Variants in FRMPD4 observed in about 807,000 individuals in gnomAD.
FRMPD4 encodes the protein FERM and PDZ domain containing 4.
Under a neutral mutation model 94.1 loss-of-function variants are expected in FRMPD4, and 22 were observed. That is an observed-to-expected ratio of 0.23 (90% CI 0.17 to 0.33). The LOEUF (loss-of-function observed/expected upper bound fraction) is 0.33, where lower values mean the gene tolerates loss of function less well. FRMPD4 is among the 10% of genes least tolerant of loss of function. The pLI is 1.00. For missense variants in FRMPD4, 1,111 were observed against 1,339.9 expected (o/e 0.83, Z 2.67); for synonymous variants, 631 against 548.6 (o/e 1.15, Z -2.10).
At chrX:11,895,940 T>C (rs2053900985) in intron 3 of FRMPD4, among the ~76,000 whole-genome samples, 1 of 112,621 alleles carries the variant, frequency 8.9e-6, no homozygotes. Context: ...TTTCCCAGTA[T>C]TTTTTATCCC....
intron 1 of FRMPD4, among the ~76,000 whole-genome samples, chrX:12,486,480 C>T (rs2057740671): frequency 8.9e-6 from 1 of 112,435 alleles, no homozygotes; most frequent in Non-Finnish European, 1.9e-5. Context: ...AAATCTCCTT[C>T]CTGGAAACAT....
chrX:12,670,380 G>C (rs1323603143), intron 4 of FRMPD4, among the ~76,000 whole-genome samples: 1 of 112,001 alleles, frequency 8.9e-6, no homozygotes, highest in East Asian at 2.8e-4. Flanking sequence ...CATGGTACTG[G>C]TACCAAAATG....
chrX:12,205,681 G>A (rs2056684275), intron 1 of FRMPD4, among the ~76,000 whole-genome samples: 1 of 111,925 alleles, frequency 8.9e-6, no homozygotes, highest in African/African-American at 3.2e-5. Flanking sequence ...TTAAAACGGT[G>A]CATTGCATTG....
chrX:12,277,863 G>C (rs1443639535), intron 1 of FRMPD4, among the ~76,000 whole-genome samples: 2 of 112,132 alleles, frequency 1.8e-5, no homozygotes, highest in Non-Finnish European at 3.8e-5. Flanking sequence ...CCATGTGCAG[G>C]AGGTGGCTAT....
intron 1 of FRMPD4, among the ~76,000 whole-genome samples, chrX:12,409,672 A>G (rs1375944549): frequency 8.9e-6 from 1 of 112,654 alleles, no homozygotes; most frequent in Non-Finnish European, 1.9e-5. Context: ...AATGCAGAAG[A>G]ATAGTTTAAT....
rs2042223943 is a variant in FRMPD4 at position 12,720,790 on chromosome X, C to T, written c.4221C>T (p.Ile1407=). ...SQKALRHSSS[I]LSGSVDLETF... is the part of the protein sequence containing the mutation. Reference sequence around the variant, plus strand: ...AGGCTCTGAGACATAGCAGCAGTATCCTCTCCGGATCTGTCGATTTGGAGA... The same window carrying T: ...AGGCTCTGAGACATAGCAGCAGTATTCTCTCCGGATCTGTCGATTTGGAGA... The change falls in exon 17 of 17, where the codon ATC becomes ATT. Residue 1407 remains isoleucine, a synonymous_variant. Transcript: ENST00000675598. 9.9e-7 allele frequency: 1 copy of T among 1,014,441 alleles called. No homozygotes were observed. The highest frequency in any genetic ancestry group is 4.5e-5 in the Admixed American group (1 of 22,192). 83.6% of individuals were successfully genotyped at this position (1,014,441 alleles called of 1,213,427 possible).
At chrX:12,033,075 A>G (rs1480212055) in intron 3 of FRMPD4, among the ~76,000 whole-genome samples, 1 of 112,395 alleles carries the variant, frequency 8.9e-6, no homozygotes, top group Admixed American at 9.4e-5. Flanking sequence ...CAACCACTCC[A>G]TTCTGTTTTG....
At chrX:12,700,016 G>A (rs2060173082) in intron 9 of FRMPD4, among the ~76,000 whole-genome samples, 1 of 111,816 alleles carries the variant, frequency 8.9e-6, no homozygotes, top group South Asian at 3.8e-4. Flanking sequence ...ATCAAACCAT[G>A]TTGGTCAGAT....
chrX:12,643,289 T>C (rs1014398107), intron 4 of FRMPD4, among the ~76,000 whole-genome samples: 1 of 110,395 alleles, frequency 9.1e-6, no homozygotes, highest in African/African-American at 3.3e-5. Flanking sequence ...ACCTGGCTAA[T>C]TTTTTTGTAT....
At chrX:11,962,489 T>C (rs1433241304) in intron 3 of FRMPD4, among the ~76,000 whole-genome samples, 1 of 111,764 alleles carries the variant, frequency 8.9e-6, no homozygotes, top group African/African-American at 3.3e-5. Context: ...TTCCAACATA[T>C]GAATTTTAGA....
Position 12,365,146 on chromosome X carries a change from C to T in FRMPD4, c.42-133534C>T, listed in dbSNP as rs2056055792. On this transcript the variant is annotated intron_variant, in intron 1 of 16. Transcript: ENST00000675598. ...GCAGAAACCTGAAACTGGTGGTGAA[C>T]ATGAACCTACTTTGCAGTATGAAGG... 3.6e-5 allele frequency among the ~76,000 whole-genome samples: 4 copies of T among 112,360 alleles called. No homozygotes were observed. In the Admixed American group the frequency reaches 3.8e-4, roughly 11 times the overall value.
intron 1 of FRMPD4, among the ~76,000 whole-genome samples, chrX:12,360,494 A>T (rs1434313658): frequency 9.0e-6 from 1 of 111,696 alleles, no homozygotes; most frequent in Non-Finnish European, 1.9e-5. Context: ...GGGAAAAAAG[A>T]TGAAAAAAAG....
intron 1 of FRMPD4, among the ~76,000 whole-genome samples, chrX:12,380,072 T>G (rs1418767779): frequency 8.9e-6 from 1 of 111,780 alleles, no homozygotes; most frequent in Non-Finnish European, 1.9e-5. Flanking sequence ...AACCGTATGG[T>G]AACTTGGTAG....
chrX:12,681,803 A>C (rs1432447585), intron 5 of FRMPD4, among the ~76,000 whole-genome samples: 1 of 111,776 alleles, frequency 8.9e-6, no homozygotes, highest in Non-Finnish European at 1.9e-5. Flanking sequence ...CACATAACAT[A>C]AAATGTACCA....
At chrX:12,465,683 G>T (rs1019495254) in intron 1 of FRMPD4, among the ~76,000 whole-genome samples, 1 of 111,959 alleles carries the variant, frequency 8.9e-6, no homozygotes, top group Non-Finnish European at 1.9e-5. Context: ...ATAAGCATTT[G>T]CTTGGGAGAG....
intron 1 of FRMPD4, among the ~76,000 whole-genome samples, chrX:11,840,252 T>C (rs912784809): frequency 9.0e-6 from 1 of 111,569 alleles, no homozygotes; most frequent in Non-Finnish European, 1.9e-5. Context: ...CTCTCAGCAA[T>C]GTTTTGTAGT....
intron 1 of FRMPD4, among the ~76,000 whole-genome samples, chrX:12,262,752 GC>G: frequency 9.0e-6 from 1 of 111,628 alleles, no homozygotes; most frequent in South Asian, 3.8e-4. Flanking sequence ...TTCTGGCCGG[GC>G]CCATTTGTGT....
chrX:11,983,777 T>C (rs1034730080), intron 3 of FRMPD4, among the ~76,000 whole-genome samples: 2 of 111,643 alleles, frequency 1.8e-5, no homozygotes, highest in Non-Finnish European at 3.8e-5. Flanking sequence ...GTTCGTGGAA[T>C]TAAAAGATAA....
intron 3 of FRMPD4, among the ~76,000 whole-genome samples, chrX:12,098,918 T>C (rs2055230184): frequency 9.1e-6 from 1 of 109,292 alleles, no homozygotes; most frequent in African/African-American, 3.3e-5. Flanking sequence ...TTCTCCTCAC[T>C]TGGGGTTTTG....
Sources: allele counts gnomAD v4.1 joint callset (sites outside exome capture counted in the v4.1 genomes callset), GRCh38; gene constraint gnomAD v4.1.1; transcripts MANE v1.5; gene names NCBI Gene and HGNC (gene_info 2026-07-23, HGNC 2026-07-21).